ACYP2: variants seen among roughly 807,000 people sequenced by gnomAD.
The protein encoded by ACYP2 is acylphosphatase 2.
In ACYP2, 12 loss-of-function variants were observed where a neutral mutation model predicts 11.2. That is an observed-to-expected ratio of 1.08 (90% CI 0.69 to 1.74). ACYP2 has a LOEUF of 1.74. Among genes scored for constraint, ACYP2 ranks in the 40% most tolerant of loss-of-function variants. ACYP2 has a pLI of 0.00. For missense variants in ACYP2, 134 were observed against 101.9 expected, an observed-to-expected ratio of 1.31 and a Z score of -1.35; for synonymous variants, 43 against 32.2, an observed-to-expected ratio of 1.33 and a Z score of -1.13.
At chr2:54,245,565 G>A (rs985454644) in intron 6 of ACYP2, among the ~76,000 whole-genome samples, 2 of 152,072 alleles carry the variant, frequency 1.3e-5, no homozygotes, top group Admixed American at 1.3e-4. Context: ...CCTAACTGGG[G>A]TAAGATGATA....
chr2:54,282,087 G>C (rs944312247), intron 6 of ACYP2, among the ~76,000 whole-genome samples: 1 of 152,096 alleles, frequency 6.6e-6, no homozygotes, highest in Non-Finnish European at 1.5e-5. Context: ...GAAGACACCA[G>C]TTCTCTTGGT....
At chr2:54,019,418 T>C (rs1459516121) in intron 2 of ACYP2, among the ~76,000 whole-genome samples, 2 of 150,808 alleles carry the variant, frequency 1.3e-5, no homozygotes, top group Non-Finnish European at 3.0e-5. Context: ...ACTCTGTCAC[T>C]TAGGCTGGAA....
chr2:54,290,163 G>C (rs1265132021), intron 6 of ACYP2, among the ~76,000 whole-genome samples: 1 of 152,072 alleles, frequency 6.6e-6, no homozygotes, highest in African/African-American at 2.4e-5. Context: ...GTCGGAGCCG[G>C]TGGGTGCCCG....
At chr2:54,062,281 C>T (rs1676512281) in intron 4 of ACYP2, among the ~76,000 whole-genome samples, 1 of 152,162 alleles carries the variant, frequency 6.6e-6, no homozygotes, top group African/African-American at 2.4e-5. Flanking sequence ...CTTCTCTAAA[C>T]ATCTCCTATT....
chr2:54,115,857 T>C (rs935614541), intron 4 of ACYP2, 101 bp downstream of exon 1: 7 of 1,349,912 alleles, frequency 5.2e-6, no homozygotes, highest in Non-Finnish European at 4.9e-6. Context: ...TTTCCCGTTG[T>C]GGCTGGGACT....
intron 6 of ACYP2, among the ~76,000 whole-genome samples, chr2:54,191,200 C>G (rs1304708242): frequency 2.6e-5 from 4 of 152,096 alleles, no homozygotes; most frequent in African/African-American, 9.7e-5. Flanking sequence ...CCCTTTCACT[C>G]AGAATAAAAC....
intron 2 of ACYP2, among the ~76,000 whole-genome samples, chr2:54,005,246 T>G (rs1336796093): frequency 2.6e-5 from 4 of 152,186 alleles, no homozygotes. Context: ...GTATATCCAG[T>G]TACTCTAGCA....
At chr2:54,061,040 A>G (rs1437360830) in intron 4 of ACYP2, among the ~76,000 whole-genome samples, 1 of 152,060 alleles carries the variant, frequency 6.6e-6, no homozygotes, top group Non-Finnish European at 1.5e-5. Context: ...TTTTTCATAG[A>G]GGCATGGTCT....
In ACYP2 at chr2:53,971,192, G is replaced by C. The variant is rs983995000; in HGVS notation, c.-166G>C. 5.8e-6 allele frequency: 1 copy of C among 171,302 alleles called. No homozygotes were observed. The allele number at this position is 171,302 out of a possible 1,614,324, so 10.6% of individuals were successfully genotyped here. ...CGGAGCCCCCACCCCAGGCCTCACC[G>C]GCCCAGCGCGAGGCTGCCTCACCGG... is the stretch of plus-strand genomic sequence containing the variant. On this transcript the variant is annotated 5_prime_UTR_variant, in exon 1 of 7. Transcript: ENST00000607452.
chr2:54,002,875 T>A (rs1672868374), intron 2 of ACYP2, among the ~76,000 whole-genome samples: 1 of 150,904 alleles, frequency 6.6e-6, no homozygotes, highest in African/African-American at 2.5e-5. Flanking sequence ...CTTGAACTCC[T>A]CACCTCAGGT....
At chr2:54,280,924 T>C (rs1688821866) in intron 6 of ACYP2, among the ~76,000 whole-genome samples, 1 of 152,144 alleles carries the variant, frequency 6.6e-6, no homozygotes, top group Non-Finnish European at 1.5e-5. Context: ...GAAGAGAATC[T>C]ACCAGGTGTC....
chr2:54,283,785 T>C (rs1164483909), intron 6 of ACYP2, among the ~76,000 whole-genome samples: 1 of 152,222 alleles, frequency 6.6e-6, no homozygotes, highest in Non-Finnish European at 1.5e-5. Flanking sequence ...TTTGAAATGA[T>C]GATGTAGAAT....
rs201242741 is a variant in ACYP2 at position 54,255,815 on chromosome 2, T to A, written c.405-48873T>A. 914 of 1,613,898 alleles carry A rather than the reference T, an allele frequency of 5.7e-4. 6 individuals carry two copies. The highest frequency in any genetic ancestry group is 2.5e-3 in the South Asian group (229 of 91,076). ...TGCGTCTCTTCACCCGGAAAGCCATTTTTGAGGCTGCCGTCAGTTGTCAGC... is the reference window on the plus strand; with the variant it reads ...TGCGTCTCTTCACCCGGAAAGCCATATTTGAGGCTGCCGTCAGTTGTCAGC... On this transcript the variant is annotated intron_variant, in intron 6 of 6. Coordinates refer to ENST00000607452, the MANE Select transcript of ACYP2 (RefSeq NM_001320586.2).
At chr2:54,023,942 A>G (rs1262740259) in intron 2 of ACYP2, among the ~76,000 whole-genome samples, 1 of 152,222 alleles carries the variant, frequency 6.6e-6, no homozygotes, top group African/African-American at 2.4e-5. Context: ...AAATCATTCT[A>G]GGAAGCCAGT....
intron 6 of ACYP2, among the ~76,000 whole-genome samples, chr2:54,196,112 A>C (rs1488317209): frequency 6.6e-6 from 1 of 152,138 alleles, no homozygotes; most frequent in Non-Finnish European, 1.5e-5. Flanking sequence ...TTGTCATCTT[A>C]ATTAAAATTG....
chr2:54,116,959 G>A (rs1449918239), intron 4 of ACYP2, among the ~76,000 whole-genome samples: 3 of 152,172 alleles, frequency 2.0e-5, no homozygotes, highest in Non-Finnish European at 4.4e-5. Context: ...TCAGGTCAGA[G>A]CAGGTGACCA....
intron 6 of ACYP2, chr2:54,256,261 C>G: frequency 7.8e-7 from 1 of 1,284,760 alleles, no homozygotes; most frequent in Non-Finnish European, 1.1e-6. Context: ...GCGCCGCCCA[C>G]TCTTCAGTCT....
At chr2:53,993,039 C>G (rs548840021) in intron 2 of ACYP2, among the ~76,000 whole-genome samples, 7 of 152,166 alleles carry the variant, frequency 4.6e-5, no homozygotes, top group Non-Finnish European at 8.8e-5. Context: ...AACCCTGTTT[C>G]TACCCAAAAT....
At position 54,096,040 on chromosome 2, in the gene ACYP2, G is replaced by T. The variant is rs1475486452; in HGVS notation, c.277+38680G>T. ...ACCTCCCTCCCGGACGGGGCGGCTG[G>T]CCGGGCGGGGGGCTGACCCCCACCT... On this transcript the variant is annotated intron_variant, in intron 4 of 6. Coordinates refer to ENST00000607452, the MANE Select transcript of ACYP2 (RefSeq NM_001320586.2). Among the ~76,000 whole-genome samples the T allele has an allele frequency of 2.7e-5, 3 of 110,848 alleles. No individual in the cohort carries two copies. The South Asian group carries it at 1.1e-3, about 39-fold the overall frequency. 72.7% of individuals were successfully genotyped at this position (110,848 alleles called of 152,430 possible).
Sources: gnomAD v4.1 joint callset for allele counts (sites outside exome capture counted in the v4.1 genomes callset) on GRCh38, gnomAD v4.1.1 for gene constraint, MANE v1.5 for transcripts, NCBI Gene and HGNC (gene_info 2026-07-23, HGNC 2026-07-21) for gene names.